PNPLA1: variants seen among roughly 807,000 people sequenced by gnomAD.
PNPLA1 encodes omega-hydroxyceramide transacylase.
In PNPLA1, 36 loss-of-function variants were observed where a neutral mutation model predicts 51.7. The observed-to-expected ratio is 0.70, with a 90% CI of 0.53 to 0.92. The LOEUF is 0.92. Among genes scored for constraint, PNPLA1 ranks in the 40% least tolerant of loss-of-function variants. The probability of loss-of-function intolerance (pLI) is 0.00; values close to 1 mark genes in which losing one functional copy is unlikely to be tolerated. For synonymous variants in PNPLA1, 293 were observed against 280.1 expected (o/e 1.05, Z -0.46); for missense variants, 658 against 682.5 (o/e 0.96, Z 0.40).
chr6:36,313,685 G>T lies in PNPLA1; in HGVS notation c.*1799G>T, dbSNP rs578163510. Among the ~76,000 whole-genome samples, 1 of 152,150 alleles carries T rather than the reference G, an allele frequency of 6.6e-6. No homozygotes were observed. The highest frequency in any genetic ancestry group is 1.5e-5 in the Non-Finnish European group (1 of 68,032). Reference sequence around the variant, plus strand: ...AAGGAAGCAGCTGGAGGTGTGTACTGTGGGGGAGACTGACTAGAGAGGCCC... The same window carrying T: ...AAGGAAGCAGCTGGAGGTGTGTACTTTGGGGGAGACTGACTAGAGAGGCCC... On this transcript the variant is annotated 3_prime_UTR_variant, in exon 9 of 9. Coordinates refer to ENST00000636260, the MANE Select transcript of PNPLA1 (RefSeq NM_001374623.1).
intron 7 of PNPLA1, among the ~76,000 whole-genome samples, chr6:36,306,666 T>G (rs1245993719): frequency 1.3e-5 from 2 of 152,200 alleles, no homozygotes; most frequent in Non-Finnish European, 2.9e-5. Flanking sequence ...GTGCATCCCC[T>G]GCCCTCATAT....
intron 1 of PNPLA1, among the ~76,000 whole-genome samples, chr6:36,252,127 C>T (rs974445294): frequency 6.6e-6 from 1 of 152,174 alleles, no homozygotes; most frequent in Non-Finnish European, 1.5e-5. Flanking sequence ...TGCCTTCTCT[C>T]CTTCCTCCAG....
At chr6:36,260,373 G>A (rs977948498) in intron 1 of PNPLA1, among the ~76,000 whole-genome samples, 2 of 152,052 alleles carry the variant, frequency 1.3e-5, no homozygotes, top group African/African-American at 4.8e-5. Flanking sequence ...AACTTGGGGG[G>A]AAAATATATG....
Position 36,312,259 on chromosome 6 carries a change from C to T in PNPLA1, c.*373C>T, listed in dbSNP as rs1771423451. On this transcript the variant is annotated 3_prime_UTR_variant, in exon 9 of 9. Transcript: ENST00000636260. ...GTACTCAGCCATCCGGAGACCACTT[C>T]AGCCCCATCCCCTTCCTAAAAAAAC... The T allele has an allele frequency of 6.6e-6, 1 of 152,258 alleles. No individual in the cohort carries two copies. Among genetic ancestry groups the T allele is most frequent in the Admixed American group, 6.5e-5 (1 of 15,292 alleles). The allele number at this position is 152,258 out of a possible 1,614,324, so 9.4% of individuals were successfully genotyped here.
chr6:36,300,767 T>C (rs1771017287), intron 5 of PNPLA1, among the ~76,000 whole-genome samples: 1 of 152,216 alleles, frequency 6.6e-6, no homozygotes, highest in East Asian at 1.9e-4. Flanking sequence ...CTGCAGTTTT[T>C]GGAAGAAAGT....
chr6:36,302,433 C>A lies in PNPLA1; in HGVS notation c.1348C>A (p.Pro450Thr), dbSNP rs997080236. 2.3e-5 allele frequency: 36 copies of A among 1,561,376 alleles called. No homozygotes were observed. Among genetic ancestry groups the A allele is most frequent in the Non-Finnish European group, 3.0e-5 (34 of 1,152,528 alleles). ...TTCTCTTTCAGCCTTCCCTGCTCAG[C>A]CACCTGTGGAGGAACTAGGCCAAGA... is the stretch of plus-strand genomic sequence containing the variant. ...RSSLSAFPAQ[P>T]PVEELGQEQP... Residue 450 changes from proline to threonine, a missense_variant, in exon 6 of 9, where the codon CCA (proline) becomes ACA (threonine). By Grantham distance (38) the Pro-to-Thr change is conservative. Transcript: ENST00000636260.
intron 8 of PNPLA1, among the ~76,000 whole-genome samples, chr6:36,309,261 G>A (rs984162539): frequency 6.6e-6 from 1 of 152,194 alleles, no homozygotes; most frequent in Admixed American, 6.5e-5. Context: ...GTAGGTAAGG[G>A]AGGGTGCAGG....
Position 36,270,318 on chromosome 6 carries a change from C to T in PNPLA1, c.-142C>T, listed in dbSNP as rs373765853. 9.6e-6 allele frequency: 8 copies of T among 836,664 alleles called. No individual in the cohort carries two copies. The South Asian group carries it at 1.0e-4, about 11-fold the overall frequency. The allele number at this position is 836,664 out of a possible 1,614,324, so 51.8% of individuals were successfully genotyped here. Reference sequence around the variant, plus strand: ...CTGAGCAGCCTGTGGTTGCTCCAGCCGGGTAGAGACAGCCACATTCCAAGC... The same window carrying T: ...CTGAGCAGCCTGTGGTTGCTCCAGCTGGGTAGAGACAGCCACATTCCAAGC... On this transcript the variant is annotated 5_prime_UTR_variant, in exon 1 of 9. Transcript: ENST00000636260.
chr6:36,291,598 A>ACCGGGGGGGGGGGGGGGGG, intron 2 of PNPLA1, 46 bp downstream of exon 2: 1 of 362,222 alleles, frequency 2.8e-6, no homozygotes, highest in Non-Finnish European at 5.7e-6. Flanking sequence ...GGGGCGGGGG[A>ACCGGGGGGGGGGGGGGGGG]GGGCGGCTCC....
At chr6:36,285,917 T>C (rs372275281) in intron 1 of PNPLA1, among the ~76,000 whole-genome samples, 1 of 152,148 alleles carries the variant, frequency 6.6e-6, no homozygotes, top group African/African-American at 2.4e-5. Flanking sequence ...ACTCTGAAAC[T>C]GGGGTGCACC....
At chr6:36,272,806 G>A (rs1343605005) in intron 1 of PNPLA1, among the ~76,000 whole-genome samples, 2 of 152,202 alleles carry the variant, frequency 1.3e-5, no homozygotes, top group East Asian at 1.9e-4. Context: ...TCTATGCTGG[G>A]TGGAAAGTCT....
intron 1 of PNPLA1, among the ~76,000 whole-genome samples, chr6:36,248,663 C>T (rs1561845287): frequency 1.3e-5 from 2 of 152,072 alleles, no homozygotes; most frequent in African/African-American, 4.8e-5. Context: ...GGATTACAGG[C>T]ACATGCCACC....
intron 1 of PNPLA1, among the ~76,000 whole-genome samples, chr6:36,280,981 C>G (rs1273901325): frequency 6.6e-6 from 1 of 152,094 alleles, no homozygotes; most frequent in Non-Finnish European, 1.5e-5. Context: ...TTTGTAAAGA[C>G]GGGGTCTCAC....
At chr6:36,273,728 C>CAAAAACAAAAAAAA (rs1769999634) in intron 1 of PNPLA1, among the ~76,000 whole-genome samples, 1 of 48,208 alleles carries the variant, frequency 2.1e-5, no homozygotes, top group Non-Finnish European at 3.4e-5. Flanking sequence ...GACCCCATCG[C>CAAAAACAAAAAAAA]AAAAAAAAAA....
Position 36,294,282 on chromosome 6 carries a change from C to T in PNPLA1, c.597C>T (p.Ile199=), listed in dbSNP as rs370117690. Residue 199 remains isoleucine, a synonymous_variant, in exon 4 of 9, where the codon ATC becomes ATT. Transcript: ENST00000636260. The surrounding 1 kb of genome is among the most constrained non-coding windows in gnomAD (Gnocchi z 4.2). The part of the protein sequence containing the change: ...TISTFSGQQD[I]CPRDCPAIFH... Reference sequence around the variant, plus strand: ...CCACCTTCAGTGGGCAGCAGGACATCTGTCCCCGGGACTGCCCGGCCATCT... The same window carrying T: ...CCACCTTCAGTGGGCAGCAGGACATTTGTCCCCGGGACTGCCCGGCCATCT... The T allele has an allele frequency of 3.5e-5, 56 of 1,614,242 alleles. No homozygotes were observed. In the South Asian group the frequency reaches 5.5e-4, roughly 16 times the overall value.
At chr6:36,283,376 T>A (rs1331980192) in intron 1 of PNPLA1, among the ~76,000 whole-genome samples, 1 of 152,230 alleles carries the variant, frequency 6.6e-6, no homozygotes, top group Admixed American at 6.5e-5. Flanking sequence ...TTTCCAATTC[T>A]AGGGGGAAGA....
intron 1 of PNPLA1, among the ~76,000 whole-genome samples, chr6:36,252,254 C>A (rs762804673): frequency 6.6e-6 from 1 of 152,166 alleles, no homozygotes; most frequent in African/African-American, 2.4e-5. Context: ...TGAGGACTTT[C>A]TGGAGGGCTT....
intron 1 of PNPLA1, among the ~76,000 whole-genome samples, chr6:36,284,906 A>T (rs1582068078): frequency 6.6e-6 from 1 of 152,172 alleles, no homozygotes; most frequent in African/African-American, 2.4e-5. Flanking sequence ...TAAACCTTCT[A>T]GTAGTGACAC....
chr6:36,263,580 G>T (rs1251860552), intron 1 of PNPLA1, among the ~76,000 whole-genome samples: 1 of 152,234 alleles, frequency 6.6e-6, no homozygotes. Context: ...AGTGGAAACT[G>T]GCACACCCAC....
Sources: gnomAD v4.1 joint callset for allele counts (sites outside exome capture counted in the v4.1 genomes callset) on GRCh38, gnomAD v4.1.1 for gene constraint, Gnocchi (gnomAD v3.1) non-coding constraint, MANE v1.5 for transcripts, NCBI Gene and HGNC (gene_info 2026-07-23, HGNC 2026-07-21) for gene names.